The following OOEP variants were observed in gnomAD, a reference collection of about 807,000 sequenced individuals.
The protein encoded by OOEP is oocyte expressed protein.
OOEP carries 16 observed loss-of-function variants against 13.7 expected under a neutral mutation model. That is an observed-to-expected ratio of 1.16 (90% confidence interval 0.79 to 1.77). OOEP has a LOEUF of 1.77. Among genes scored for constraint, OOEP ranks in the 40% most tolerant of loss-of-function variants. The pLI is 0.00. For missense variants in OOEP, 195 were observed against 193.1 expected (o/e 1.01, Z -0.06); for synonymous variants, 89 against 77.1 (o/e 1.15, Z -0.81).
At chr6:73,374,154 C>T (rs1394701729), upstream of OOEP, among the ~76,000 whole-genome samples, 1 of 152,024 alleles carries the variant, frequency 6.6e-6, no homozygotes, top group Non-Finnish European at 1.5e-5. Context: ...CACCACTGCA[C>T]TCTAGCCTGG....
exon 1 of OOEP, chr6:73,394,737 A>G: frequency 1.0e-6 from 1 of 953,476 alleles, no homozygotes; most frequent in East Asian, 2.6e-5. Context: ...GGCTGCGTGA[A>G]ATCAGTGCGA....
intron 2 of OOEP, among the ~76,000 whole-genome samples, chr6:73,392,899 G>C (rs1326581320): frequency 6.6e-6 from 1 of 151,382 alleles, no homozygotes; most frequent in Admixed American, 6.6e-5. Flanking sequence ...CAAAGTGCTG[G>C]GATTACAGGC....
rs367962485 is a variant in OOEP, at chr6:73,368,894, G to A, written c.371-31C>T. ...AGAGAAGCAGTTGATACTAACCATG[G>A]ACAGGGACAAGTGTTTGCTGTTTCG... On this transcript the variant is annotated intron_variant, in intron 2 of 2. Coordinates refer to ENST00000370359, the MANE Select transcript of OOEP (RefSeq NM_001080507.3). The A allele has an allele frequency of 8.5e-6, 13 of 1,534,664 alleles. No homozygotes were observed. In the African/African-American group the frequency reaches 9.5e-5, roughly 11 times the overall value.
intron 2 of OOEP, among the ~76,000 whole-genome samples, chr6:73,375,094 T>A (rs1439389654): frequency 6.6e-6 from 1 of 152,230 alleles, no homozygotes; most frequent in African/African-American, 2.4e-5. Context: ...CCCAAAGTGC[T>A]GGGATTACAG....
chr6:73,375,873 C>T (rs148169112), intron 2 of OOEP, among the ~76,000 whole-genome samples: 127 of 150,352 alleles, frequency 8.4e-4, no homozygotes, highest in Admixed American at 3.0e-3. Flanking sequence ...TTCACTGCAA[C>T]CTCTGCCTCC....
At chr6:73,389,966 G>A (rs1397934203) in intron 2 of OOEP, among the ~76,000 whole-genome samples, 4 of 152,212 alleles carry the variant, frequency 2.6e-5, no homozygotes, top group Non-Finnish European at 5.9e-5. Flanking sequence ...CAGATCACTT[G>A]AGGCCAGGAG....
intron 2 of OOEP, among the ~76,000 whole-genome samples, chr6:73,386,529 G>A (rs183250572): frequency 1.3e-4 from 20 of 152,270 alleles, no homozygotes; most frequent in African/African-American, 4.6e-4. Context: ...TACAAGTTTA[G>A]TAAGTGTATA....
At position 73,369,386 on chromosome 6, in the gene OOEP, C is replaced by G; in HGVS notation, c.191-1G>C. On this transcript the variant is annotated splice_acceptor_variant, in intron 1 of 2. Transcript: ENST00000370359. LOFTEE classifies it high-confidence loss of function. ...TCTGGAATTATGGCTCGGTCTGGGC[C>G]TAAACAAGTAAGGAAAAACTCTGAG... 6.2e-7 allele frequency: 1 copy of G among 1,608,802 alleles called. No individual in the cohort carries two copies. The highest frequency in any genetic ancestry group is 8.5e-7 in the Non-Finnish European group (1 of 1,177,702).
chr6:73,374,258 C>A (rs1171427548), upstream of OOEP, among the ~76,000 whole-genome samples: 1 of 151,952 alleles, frequency 6.6e-6, no homozygotes, highest in Admixed American at 6.6e-5. Context: ...ATTAAAAGTA[C>A]CTGGAGTCTA....
upstream of OOEP, among the ~76,000 whole-genome samples, chr6:73,374,707 C>T (rs545956947): frequency 2.0e-5 from 3 of 152,232 alleles, no homozygotes; most frequent in South Asian, 2.1e-4. Flanking sequence ...CGACATGAGC[C>T]GTGCCCAGCC....
chr6:73,378,563 A>G (rs1562278460), intron 2 of OOEP, among the ~76,000 whole-genome samples: 2 of 151,836 alleles, frequency 1.3e-5, no homozygotes, highest in Non-Finnish European at 1.5e-5. Flanking sequence ...GAAAATCTAT[A>G]TATATATGTT....
At chr6:73,394,792 G>T in exon 1 of OOEP, 1 of 1,471,756 alleles carries the variant, frequency 6.8e-7, no homozygotes, top group Middle Eastern at 2.4e-4. Flanking sequence ...AGCCTCGTGC[G>T]GGCTCCTTAA....
rs544077710 is a variant in OOEP at position 73,390,646 on chromosome 6, G to C, written c.25+3700C>G. Among the ~76,000 whole-genome samples, 176 of 148,140 alleles carry C rather than the reference G, an allele frequency of 1.2e-3. No homozygotes were observed. The Middle Eastern group carries it at 0.015, about 12-fold the overall frequency. On this transcript the variant is annotated intron_variant, in intron 2 of 3. Transcript: ENST00000370363. ...GCCTGGAGTGTGATGGTGCGATCTC[G>C]GGTCACTGCAACCTCCGCCTCCCAG... is the stretch of plus-strand genomic sequence containing the variant.
At chr6:73,390,640 G>C (rs1268275024) in intron 2 of OOEP, among the ~76,000 whole-genome samples, 1 of 147,610 alleles carries the variant, frequency 6.8e-6, no homozygotes, top group East Asian at 2.0e-4. Flanking sequence ...GTGATGGTGC[G>C]ATCTCGGGTC....
chr6:73,374,083 C>A (rs570837306), upstream of OOEP, among the ~76,000 whole-genome samples: 2 of 151,880 alleles, frequency 1.3e-5, no homozygotes, highest in South Asian at 2.1e-4. Flanking sequence ...CCCAGCTACT[C>A]GGGAAGCTGA....
intron 2 of OOEP, 91 bp downstream of exon 2, chr6:73,369,115 G>T: frequency 7.3e-7 from 1 of 1,366,648 alleles, no homozygotes; most frequent in Non-Finnish European, 1.0e-6. Flanking sequence ...AAGAAATTTT[G>T]AGAAGGTTAA....
chr6:73,384,800 A>G (rs1769247680), intron 2 of OOEP, among the ~76,000 whole-genome samples: 1 of 151,470 alleles, frequency 6.6e-6, no homozygotes, highest in Non-Finnish European at 1.5e-5. Flanking sequence ...GCAGTGGCAC[A>G]ATCTCGGCTC....
At chr6:73,393,750 C>A (rs896895664) in intron 2 of OOEP, among the ~76,000 whole-genome samples, 4 of 152,028 alleles carry the variant, frequency 2.6e-5, no homozygotes, top group African/African-American at 9.7e-5. Context: ...TCCAACAGGT[C>A]GAATCTGCAG....
At chr6:73,389,265 A>G (rs1469918616) in intron 2 of OOEP, among the ~76,000 whole-genome samples, 2 of 151,898 alleles carry the variant, frequency 1.3e-5, no homozygotes, top group African/African-American at 4.8e-5. Flanking sequence ...TTCAGCTTCT[A>G]CCCCAGGAGC....
Sources: allele counts gnomAD v4.1 joint callset (sites outside exome capture counted in the v4.1 genomes callset), GRCh38; gene constraint gnomAD v4.1.1; transcripts MANE v1.5; gene names NCBI Gene and HGNC (gene_info 2026-07-23, HGNC 2026-07-21).